LINGO2: variants seen among roughly 807,000 people sequenced by gnomAD.
LINGO2 encodes leucine-rich repeat and immunoglobulin-like domain-containing nogo receptor-interacting protein 2.
A neutral mutation model predicts 30.6 loss-of-function variants in LINGO2; 14 were observed. The ratio of observed to expected loss-of-function variants is 0.46; its 90% CI spans 0.30 to 0.72. The LOEUF (loss-of-function observed/expected upper bound fraction) is 0.72, where lower values mean the gene tolerates loss of function less well. Among genes scored for constraint, LINGO2 ranks in the 30% least tolerant of loss-of-function variants. The probability of loss-of-function intolerance (pLI) is 0.07; values close to 1 mark genes in which losing one functional copy is unlikely to be tolerated. For missense variants in LINGO2, 729 were observed against 751.7 expected (o/e 0.97, Z 0.35); for synonymous variants, 317 against 288.5 (o/e 1.10, Z -1.00).
chr9:29,120,155 G>A, the LINGO2 span, among the ~76,000 whole-genome samples: 9 of 152,112 alleles, frequency 5.9e-5, no homozygotes, highest in East Asian at 7.7e-4. Flanking sequence ...AAGGCTTTTC[G>A]CTTGGAGACA....
the LINGO2 span, among the ~76,000 whole-genome samples, chr9:28,850,721 G>A: frequency 6.6e-6 from 1 of 152,018 alleles, no homozygotes; most frequent in East Asian, 1.9e-4. Flanking sequence ...TATGGCATGA[G>A]TTAGAAATGA....
intron 4 of LINGO2, among the ~76,000 whole-genome samples, chr9:28,030,360 T>A (rs561010719): frequency 2.0e-5 from 3 of 152,204 alleles, no homozygotes; most frequent in Non-Finnish European, 4.4e-5. Context: ...ATTAATAAGT[T>A]GTGTTGACTA....
intron 4 of LINGO2, among the ~76,000 whole-genome samples, chr9:28,274,643 C>A (rs1184677464): frequency 6.6e-6 from 1 of 152,136 alleles, no homozygotes; most frequent in Non-Finnish European, 1.5e-5. Flanking sequence ...CTTGCTAAAC[C>A]AAACTGATTC....
chr9:28,422,377 A>C (rs565508615), intron 2 of LINGO2, among the ~76,000 whole-genome samples: 1 of 152,246 alleles, frequency 6.6e-6, no homozygotes, highest in African/African-American at 2.4e-5. Context: ...TAAAGGACTT[A>C]AAAAGAAGAT....
chr9:28,900,147 T>C, the LINGO2 span, among the ~76,000 whole-genome samples: 2 of 151,744 alleles, frequency 1.3e-5, no homozygotes, highest in African/African-American at 4.8e-5. Context: ...CACCATACCA[T>C]GTACCAGATC....
the LINGO2 span, among the ~76,000 whole-genome samples, chr9:28,702,749 T>A: frequency 3.3e-5 from 5 of 152,002 alleles, no homozygotes; most frequent in East Asian, 9.7e-4. Context: ...AATTTACCAG[T>A]GAACCTGCCT....
the LINGO2 span, among the ~76,000 whole-genome samples, chr9:28,693,749 G>T: frequency 1.3e-5 from 2 of 152,068 alleles, no homozygotes. Flanking sequence ...TTACTGGCTT[G>T]AAAATGTTGG....
At chr9:29,213,475 G>T in the LINGO2 span, among the ~76,000 whole-genome samples, 1 of 152,154 alleles carries the variant, frequency 6.6e-6, no homozygotes, top group East Asian at 1.9e-4. Context: ...CGCCGGTGCG[G>T]GGCTGGGCGG....
chr9:28,851,446 C>G, the LINGO2 span, among the ~76,000 whole-genome samples: 2 of 152,120 alleles, frequency 1.3e-5, no homozygotes, highest in African/African-American at 4.8e-5. Flanking sequence ...ATTGGGTCTA[C>G]CCAGGTAATT....
At chr9:28,327,040 G>C (rs1044599229) in intron 3 of LINGO2, among the ~76,000 whole-genome samples, 11 of 152,226 alleles carry the variant, frequency 7.2e-5, no homozygotes, top group Non-Finnish European at 1.5e-4. Flanking sequence ...CATTTGGGAA[G>C]TGATTAGGTC....
At chr9:28,292,019 G>A (rs1026678449) in intron 4 of LINGO2, among the ~76,000 whole-genome samples, 1 of 150,318 alleles carries the variant, frequency 6.7e-6, no homozygotes, top group African/African-American at 2.4e-5. Flanking sequence ...TCTTTAAAGT[G>A]CTTATGGGGG....
the LINGO2 span, among the ~76,000 whole-genome samples, chr9:28,818,707 T>G: frequency 6.6e-6 from 1 of 152,138 alleles, no homozygotes; most frequent in Non-Finnish European, 1.5e-5. Flanking sequence ...TTTTATCATT[T>G]TACAGGAAGT....
the LINGO2 span, among the ~76,000 whole-genome samples, chr9:28,906,199 G>A: frequency 6.6e-5 from 10 of 151,870 alleles, no homozygotes; most frequent in African/African-American, 2.4e-4. Flanking sequence ...AGTTCATTTA[G>A]ATAGGAGGAA....
intron 2 of LINGO2, among the ~76,000 whole-genome samples, chr9:28,389,096 A>G (rs1054529615): frequency 1.3e-5 from 2 of 152,190 alleles, no homozygotes; most frequent in Non-Finnish European, 2.9e-5. Flanking sequence ...AAATGTAGCT[A>G]CAGCCCTTTA....
chr9:28,450,073 T>G (rs1185669594), intron 2 of LINGO2, among the ~76,000 whole-genome samples: 3 of 152,032 alleles, frequency 2.0e-5, no homozygotes, highest in Admixed American at 6.6e-5. Context: ...TTCAGTCTTG[T>G]GGATTGAATT....
the LINGO2 span, among the ~76,000 whole-genome samples, chr9:28,801,866 TATTA>T: frequency 6.6e-6 from 1 of 152,076 alleles, no homozygotes; most frequent in Admixed American, 6.6e-5. Context: ...ACAGAATATG[TATTA>T]ATTTTTACAA....
At chr9:28,103,658 C>A (rs1826482291) in intron 4 of LINGO2, among the ~76,000 whole-genome samples, 1 of 152,136 alleles carries the variant, frequency 6.6e-6, no homozygotes, top group African/African-American at 2.4e-5. Context: ...TTAGCCTAAT[C>A]AAGATTGCTG....
intron 4 of LINGO2, among the ~76,000 whole-genome samples, chr9:28,131,655 G>A (rs1027832817): frequency 1.3e-5 from 2 of 152,080 alleles, no homozygotes; most frequent in African/African-American, 4.8e-5. Context: ...TAATGTGGCT[G>A]TATGCCCATA....
At chr9:28,535,726 GCACACA>G (rs35045943) in intron 1 of LINGO2, among the ~76,000 whole-genome samples, 16 of 149,958 alleles carry the variant, frequency 1.1e-4, no homozygotes, top group African/African-American at 1.2e-4. Flanking sequence ...ACGTGTGGAC[GCACACA>G]CACACACACA....
Sources: gnomAD v4.1 joint callset for allele counts (sites outside exome capture counted in the v4.1 genomes callset) on GRCh38, gnomAD v4.1.1 for gene constraint, MANE v1.5 for transcripts, NCBI Gene and HGNC (gene_info 2026-07-23, HGNC 2026-07-21) for gene names.